The following DCAF1 variants were observed in gnomAD, a reference collection of about 807,000 sequenced individuals.
The protein encoded by DCAF1 is DDB1 and CUL4 associated factor 1.
A neutral mutation model predicts 128.0 loss-of-function variants in DCAF1; 15 were observed. The observed-to-expected ratio is 0.12, with a 90% CI of 0.08 to 0.18. The LOEUF is 0.18. Among genes scored for constraint, DCAF1 ranks in the 10% least tolerant of loss-of-function variants. The pLI is 1.00. For missense variants in DCAF1, 988 were observed against 1,649.5 expected, an observed-to-expected ratio of 0.60 and a Z score of 6.95; for synonymous variants, 610 against 603.0, an observed-to-expected ratio of 1.01 and a Z score of -0.17.
In DCAF1 at chr3:51,441,432, G is replaced by C; in HGVS notation, c.979C>G (p.Gln327Glu). 1 of 1,613,878 alleles carries C rather than the reference G, an allele frequency of 6.2e-7. No individual in the cohort carries two copies. The highest frequency in any genetic ancestry group is 1.3e-5 in the African/African-American group (1 of 75,050). The change falls in exon 8 of 25, where the codon CAG becomes GAG. Residue 327 changes from glutamine to glutamate, a missense_variant. Gln to Glu is a conservative substitution (Grantham distance 29). This residue lies in a region of DCAF1 where 19 missense variants were observed against 61.4 expected (regional missense o/e 0.31). Transcript: ENST00000684031. ...GTCAAATATTGGAGAATGAGTCGCT[G>C]CTCGATAGCAGGAGTCATAGGATAA... ...TLYPMTPAIE[Q>E]RLILQYLTPL... is the part of the protein sequence containing the mutation.
At chr3:51,448,522 C>T (rs1702077654) in intron 6 of DCAF1, among the ~76,000 whole-genome samples, 1 of 152,162 alleles carries the variant, frequency 6.6e-6, no homozygotes, top group Admixed American at 6.6e-5. Context: ...ATACCCAGCT[C>T]ATTCACTAAG....
chr3:51,457,990 A>T (rs1334349981), intron 6 of DCAF1, among the ~76,000 whole-genome samples: 1 of 152,240 alleles, frequency 6.6e-6, no homozygotes, highest in African/African-American at 2.4e-5. Context: ...TAACGCTAGG[A>T]AGAAACTGCA....
intron 5 of DCAF1, among the ~76,000 whole-genome samples, chr3:51,463,864 T>C (rs146830264): frequency 1.7e-3 from 265 of 152,068 alleles, no homozygotes; most frequent in African/African-American, 5.9e-3. Context: ...ACTTTAATGA[T>C]TTTTTTTACA....
In DCAF1 at chr3:51,398,525, T is replaced by G. The variant is rs1473585857; in HGVS notation, c.*244A>C. On this transcript the variant is annotated 3_prime_UTR_variant, in exon 25 of 25. Transcript: ENST00000684031. ...AAGATATGTCCATCCTAGGAAATGG[T>G]GGGGGGTGGATGTGGGGGGTGCAGA... 6.7e-5 allele frequency: 29 copies of G among 431,508 alleles called. No homozygotes were observed. The Admixed American group carries it at 1.1e-3, about 16-fold the overall frequency. The allele number at this position is 431,508 out of a possible 1,614,324, so 26.7% of individuals were successfully genotyped here.
rs143973276 is a variant in DCAF1, at chr3:51,405,102, T to C, written c.4213-1707A>G. Among the ~76,000 whole-genome samples the C allele has an allele frequency of 6.6e-5, 10 of 152,244 alleles. No homozygotes were observed. The East Asian group carries it at 1.9e-3, about 29-fold the overall frequency. On this transcript the variant is annotated intron_variant, in intron 23 of 24. Coordinates refer to ENST00000684031, the MANE Select transcript of DCAF1 (RefSeq NM_001387579.1). ...ACTAACAAAGTGCCACAGTTAAAAA[T>C]AAGTAAGGAAGAAAGTACCCAGGGC...
chr3:51,458,079 T>C (rs1467933258), intron 6 of DCAF1, among the ~76,000 whole-genome samples: 3 of 152,204 alleles, frequency 2.0e-5, no homozygotes, highest in Non-Finnish European at 4.4e-5. Context: ...ACTTTAAATG[T>C]AAATGGGCTA....
chr3:51,421,926 T>TTAC (rs1553632599), intron 14 of DCAF1, among the ~76,000 whole-genome samples: 2 of 152,130 alleles, frequency 1.3e-5, no homozygotes, highest in Non-Finnish European at 2.9e-5. Flanking sequence ...CTTAAGTTTT[T>TTAC]TACTATCTGC....
At chr3:51,492,195 C>T (rs1707737893) in intron 2 of DCAF1, among the ~76,000 whole-genome samples, 1 of 151,808 alleles carries the variant, frequency 6.6e-6, no homozygotes, top group Admixed American at 6.6e-5. Context: ...TGGATATTAT[C>T]CCACAAAACA....
At chr3:51,441,135 C>T in intron 8 of DCAF1, 64 bp from the exon 9 acceptor site, 1 of 1,433,540 alleles carries the variant, frequency 7.0e-7, no homozygotes, top group Non-Finnish European at 9.6e-7. Flanking sequence ...TCCTATTCCA[C>T]TCTTTGAGGA....
At chr3:51,487,073 G>A (rs1417251583) in intron 2 of DCAF1, among the ~76,000 whole-genome samples, 1 of 151,744 alleles carries the variant, frequency 6.6e-6, no homozygotes, top group African/African-American at 2.4e-5. Flanking sequence ...ATTCAAGCGA[G>A]CGATTCTCCC....
At chr3:51,470,085 A>C (rs1704567952) in intron 4 of DCAF1, among the ~76,000 whole-genome samples, 1 of 152,210 alleles carries the variant, frequency 6.6e-6, no homozygotes, top group African/African-American at 2.4e-5. Context: ...GGCATACTTT[A>C]GTTCTCAAGA....
intron 2 of DCAF1, among the ~76,000 whole-genome samples, chr3:51,486,386 G>T (rs1162674237): frequency 6.6e-6 from 1 of 151,012 alleles, no homozygotes; most frequent in Non-Finnish European, 1.5e-5. Context: ...TGTTCAGGTG[G>T]GGTCTCACTG....
At chr3:51,441,124 T>C in intron 8 of DCAF1, 53 bp from the exon 9 acceptor site, 1 of 1,476,156 alleles carries the variant, frequency 6.8e-7, no homozygotes, top group Non-Finnish European at 9.3e-7. Flanking sequence ...TGTCATGTAT[T>C]TCCTATTCCA....
chr3:51,476,892 G>C (rs1705526425), intron 3 of DCAF1, among the ~76,000 whole-genome samples: 1 of 151,454 alleles, frequency 6.6e-6, no homozygotes, highest in Non-Finnish European at 1.5e-5. Flanking sequence ...GACCAGCCTG[G>C]CCAACGTGGT....
intron 6 of DCAF1, among the ~76,000 whole-genome samples, chr3:51,447,439 T>C (rs550923868): frequency 9.2e-5 from 14 of 152,066 alleles, no homozygotes; most frequent in Admixed American, 7.2e-4. Context: ...AAATAAAAAC[T>C]ACTCTGAAGA....
the DCAF1 span, among the ~76,000 whole-genome samples, chr3:51,505,399 C>T: frequency 3.9e-5 from 6 of 152,182 alleles, no homozygotes; most frequent in African/African-American, 7.2e-5. Flanking sequence ...GAAGTAAATA[C>T]TTCTACCATG....
chr3:51,421,188 G>A (rs1699359113), intron 14 of DCAF1, among the ~76,000 whole-genome samples, 191 bp from the exon 15 acceptor site: 1 of 152,096 alleles, frequency 6.6e-6, no homozygotes, highest in Admixed American at 6.5e-5. Context: ...TATCTCATAT[G>A]CAGTTATTAA....
chr3:51,473,414 T>C (rs1553649140), intron 3 of DCAF1, among the ~76,000 whole-genome samples: 2 of 142,818 alleles, frequency 1.4e-5, no homozygotes, highest in African/African-American at 2.6e-5. Context: ...CAGGACACTA[T>C]ACTTTCTAGT....
intron 11 of DCAF1, 27 bp downstream of exon 11, chr3:51,430,006 G>T: frequency 1.3e-6 from 1 of 778,962 alleles, no homozygotes; most frequent in Admixed American, 1.7e-5. Flanking sequence ...CTCAATCCTA[G>T]GGAGAAAAGC....
Sources: allele counts gnomAD v4.1 joint callset (sites outside exome capture counted in the v4.1 genomes callset), GRCh38; gene constraint gnomAD v4.1.1; regional missense constraint gnomAD v4.1.1; transcripts MANE v1.5; gene names NCBI Gene and HGNC (gene_info 2026-07-23, HGNC 2026-07-21).